The following PDE8B variants were observed in gnomAD, a reference collection of about 807,000 sequenced individuals.
PDE8B encodes high affinity cAMP-specific and IBMX-insensitive 3',5'-cyclic phosphodiesterase 8B.
A neutral mutation model predicts 101.3 loss-of-function variants in PDE8B; 26 were observed. The ratio of observed to expected loss-of-function variants is 0.26; its 90% CI spans 0.19 to 0.36. The LOEUF (loss-of-function observed/expected upper bound fraction) is 0.36, where lower values mean the gene tolerates loss of function less well. Ranked by LOEUF, PDE8B falls within the 10% of genes least tolerant of loss-of-function variation. The pLI is 1.00. For missense variants in PDE8B, 810 were observed against 1,163.1 expected (o/e 0.70, Z 4.42); for synonymous variants, 424 against 429.3 (o/e 0.99, Z 0.15).
At chr5:77,271,422 A>C (rs1359121093) in intron 1 of PDE8B, among the ~76,000 whole-genome samples, 3 of 152,152 alleles carry the variant, frequency 2.0e-5, no homozygotes, top group African/African-American at 7.2e-5. Context: ...TCTAGATGAC[A>C]AATGGTTAAG....
At chr5:77,410,139 T>G (rs10474501) in intron 14 of PDE8B, among the ~76,000 whole-genome samples, 34,976 of 152,212 alleles carry the variant, frequency 0.23, 4,191 homozygotes, top group South Asian at 0.31. Context: ...AGGAAATAAT[T>G]CAAGGGCAAG....
chr5:77,331,934 G>A (rs1777210652), intron 5 of PDE8B, among the ~76,000 whole-genome samples: 1 of 152,100 alleles, frequency 6.6e-6, no homozygotes, highest in African/African-American at 2.4e-5. Context: ...ATTAACATCA[G>A]CAAAGAAAAA....
At chr5:77,203,314 C>T in the PDE8B span, among the ~76,000 whole-genome samples, 1,383 of 152,348 alleles carry the variant, frequency 9.1e-3, 27 homozygotes, top group African/African-American at 0.031. Flanking sequence ...GGATAATTTC[C>T]ACCCACAGTG....
chr5:77,421,933 C>T lies in PDE8B; in HGVS notation c.2363C>T (p.Pro788Leu). Reference protein sequence around the residue: ...KCADVANPCRPLDLCIEWAGR... With the variant: ...KCADVANPCRLLDLCIEWAGR... ...GCTGACGTGGCCAACCCATGCCGCC[C>T]CTTGGACCTGTGCATTGAATGGGCT... The change falls in exon 20 of 22, where the codon CCC becomes CTC. Residue 788 changes from proline to leucine, a missense_variant. By Grantham distance (98) the Pro-to-Leu change is moderately conservative. Coordinates refer to ENST00000264917, the MANE Select transcript of PDE8B (RefSeq NM_003719.5). The T allele has an allele frequency of 6.2e-7, 1 of 1,614,180 alleles. No individual in the cohort carries two copies. Among genetic ancestry groups the T allele is most frequent in the Non-Finnish European group, 8.5e-7 (1 of 1,180,034 alleles).
the PDE8B span, among the ~76,000 whole-genome samples, chr5:77,191,996 G>C: frequency 1.3e-5 from 2 of 152,182 alleles, no homozygotes; most frequent in African/African-American, 2.4e-5. Context: ...TTCACAGTAG[G>C]GTTCGCACTT....
chr5:77,337,466 A>T (rs376744097), intron 6 of PDE8B, 151 bp downstream of exon 6: 1 of 667,018 alleles, frequency 1.5e-6, no homozygotes, highest in Non-Finnish European at 2.8e-6. Flanking sequence ...CAACAGCAGT[A>T]TCTAAGCCAG....
chr5:77,363,116 G>A (rs1783442519), intron 10 of PDE8B, among the ~76,000 whole-genome samples: 1 of 152,190 alleles, frequency 6.6e-6, no homozygotes, highest in Admixed American at 6.5e-5. Flanking sequence ...TACTCTCCAA[G>A]TGCATTTCAT....
chr5:77,136,937 A>G, the PDE8B span, among the ~76,000 whole-genome samples: 1 of 152,270 alleles, frequency 6.6e-6, no homozygotes, highest in East Asian at 1.9e-4. Context: ...ATTTTGAACA[A>G]ATCTCTCTAT....
chr5:77,418,337 C>G lies in PDE8B; in HGVS notation c.2020C>G (p.Leu674Val). 6.2e-7 allele frequency: 1 copy of G among 1,613,882 alleles called. No homozygotes were observed. The highest frequency in any genetic ancestry group is 8.5e-7 in the Non-Finnish European group (1 of 1,179,778). The part of the protein sequence containing the change: ...NSFLCNAGSE[L>V]AVLYNDTAVL... ...TTTCCTCTGCAATGCAGGCAGTGAG[C>G]TTGCTGTGCTCTACAATGACACTGC... is the stretch of plus-strand genomic sequence containing the variant. The change falls in exon 18 of 22, where the codon CTT becomes GTT. Residue 674 changes from leucine (L) to valine (V), a missense_variant. This residue lies in a region of PDE8B where 325 missense variants were observed against 560.9 expected (regional missense o/e 0.58). Transcript: ENST00000264917.
the PDE8B span, chr5:77,148,384 G>A: frequency 5.3e-5 from 8 of 152,240 alleles, 1 homozygote; most frequent in South Asian, 1.5e-3. Flanking sequence ...TTTCTCTTGG[G>A]TAGGTTCCTA....
the PDE8B span, chr5:77,142,145 C>T: frequency 6.6e-6 from 1 of 152,174 alleles, no homozygotes; most frequent in Non-Finnish European, 1.5e-5. Context: ...ATGCTACTTG[C>T]TTCTGGAGGT....
At chr5:77,108,011 C>T in the PDE8B span, among the ~76,000 whole-genome samples, 1 of 152,144 alleles carries the variant, frequency 6.6e-6, no homozygotes, top group African/African-American at 2.4e-5. Flanking sequence ...GTCATTCCAG[C>T]TTCCTTCAGG....
the PDE8B span, chr5:77,115,216 T>C: frequency 6.6e-6 from 1 of 152,222 alleles, no homozygotes; most frequent in Non-Finnish European, 1.5e-5. Context: ...TATTATTTGT[T>C]TGAATATTAG....
At chr5:77,338,202 C>T (rs1581123173) in intron 6 of PDE8B, among the ~76,000 whole-genome samples, 1 of 152,162 alleles carries the variant, frequency 6.6e-6, no homozygotes, top group Non-Finnish European at 1.5e-5. Context: ...AGGAGAGCAT[C>T]CTATTATAGT....
intron 16 of PDE8B, among the ~76,000 whole-genome samples, chr5:77,412,637 G>GT (rs768941343): frequency 3.3e-5 from 5 of 151,834 alleles, no homozygotes; most frequent in Non-Finnish European, 7.4e-5. Flanking sequence ...GGAGAAGGCT[G>GT]TTTCTTCCCA....
intron 1 of PDE8B, among the ~76,000 whole-genome samples, chr5:77,297,506 A>G (rs1768865283): frequency 6.6e-6 from 1 of 152,132 alleles, no homozygotes; most frequent in South Asian, 2.1e-4. Flanking sequence ...AATAAGTTCC[A>G]TGTGATGCTG....
At chr5:77,197,854 A>G in the PDE8B span, among the ~76,000 whole-genome samples, 23,912 of 150,268 alleles carry the variant, frequency 0.16, 2,304 homozygotes, top group East Asian at 0.45. Flanking sequence ...ATTCTTTTTT[A>G]ATATTTTCCA....
In PDE8B at chr5:77,419,754, G is replaced by A; in HGVS notation, c.2130-13G>A. On this transcript the variant is annotated splice_polypyrimidine_tract_variant and intron_variant, in intron 18 of 21. Transcript: ENST00000264917. ...CGCTGTGAACAAGCCCCTTTGTCTT[G>A]TGGTTATTTTAGGAACCATTATCGA... The A allele has an allele frequency of 6.2e-7, 1 of 1,613,774 alleles. No homozygotes were observed. Among genetic ancestry groups the A allele is most frequent in the Non-Finnish European group, 8.5e-7 (1 of 1,179,792 alleles).
chr5:77,412,004 T>G, intron 15 of PDE8B, 96 bp from the exon 16 acceptor site: 1 of 1,305,606 alleles, frequency 7.7e-7, no homozygotes, highest in Non-Finnish European at 1.1e-6. Flanking sequence ...GGTACAAGAC[T>G]TTTTTTCTAG....
Sources: gnomAD v4.1 joint callset for allele counts (sites outside exome capture counted in the v4.1 genomes callset) on GRCh38, gnomAD v4.1.1 for gene constraint, gnomAD v4.1.1 regional missense constraint, MANE v1.5 for transcripts, NCBI Gene and HGNC (gene_info 2026-07-23, HGNC 2026-07-21) for gene names.